EHHADH: variants seen among roughly 807,000 people sequenced by gnomAD.
The protein encoded by EHHADH is peroxisomal bifunctional enzyme.
Under a neutral mutation model 64.4 loss-of-function variants are expected in EHHADH, and 48 were observed. The observed-to-expected ratio is 0.75, with a 90% CI of 0.59 to 0.95. The LOEUF is 0.95. Among genes scored for constraint, EHHADH ranks in the 40% least tolerant of loss-of-function variants. EHHADH has a pLI of 0.00. For missense variants in EHHADH, 854 were observed against 876.6 expected, an observed-to-expected ratio of 0.97 and a Z score of 0.33; for synonymous variants, 308 against 326.7, an observed-to-expected ratio of 0.94 and a Z score of 0.62.
chr3:185,197,572 T>A (rs1718099060), intron 6 of EHHADH, among the ~76,000 whole-genome samples: 1 of 152,244 alleles, frequency 6.6e-6, no homozygotes. Flanking sequence ...TTGGCTTATT[T>A]CACTTAGCAG....
chr3:185,225,338 A>G, intron 4 of EHHADH, among the ~76,000 whole-genome samples: 1 of 151,880 alleles, frequency 6.6e-6, no homozygotes, highest in Non-Finnish European at 1.5e-5. Context: ...TGGCCATTAG[A>G]TCATCCTTGA....
intron 4 of EHHADH, among the ~76,000 whole-genome samples, chr3:185,225,336 A>G (rs951779591): frequency 6.6e-6 from 1 of 152,062 alleles, no homozygotes; most frequent in African/African-American, 2.4e-5. Context: ...TCTGGCCATT[A>G]GATCATCCTT....
chr3:185,192,435 C>T lies in EHHADH; in HGVS notation c.1963G>A (p.Gly655Arg), dbSNP rs1362076830. 3 of 1,614,114 alleles carry T rather than the reference C, an allele frequency of 1.9e-6. No homozygotes were observed. The highest frequency in any genetic ancestry group is 2.7e-5 in the African/African-American group (2 of 74,938). Residue 655 changes from glycine to arginine, a missense_variant, in exon 7 of 7, where the codon GGA becomes AGA. Coordinates refer to ENST00000231887, the MANE Select transcript of EHHADH (RefSeq NM_001966.4). ...GGCCCGCCCTTGTGCCTTGGCCATC[C>T]ATATCCATGTAAATAGACAACATCA... ...HIDVVYLHGY[G>R]WPRHKGGPMF... is the part of the protein sequence containing the mutation.
At position 185,235,303 on chromosome 3, in the gene EHHADH, A is replaced by G; in HGVS notation, c.338T>C (p.Ile113Thr). ...CTTGGTTGTTACCTCTGCGTGGGCA[A>G]TCCTATAGTGACAGCCCAGGGCCAG... ...LELALGCHYRIAHAEAQVGLP... is the reference protein window; with the variant it reads ...LELALGCHYRTAHAEAQVGLP... The change falls in exon 3 of 7, where the codon ATT becomes ACT. Residue 113 changes from isoleucine (I) to threonine (T), a missense_variant. Transcript: ENST00000231887. The G allele has an allele frequency of 6.2e-7, 1 of 1,612,830 alleles. No individual in the cohort carries two copies. Among genetic ancestry groups the G allele is most frequent in the Non-Finnish European group, 8.5e-7 (1 of 1,179,414 alleles).
chr3:185,233,158 T>C (rs776839706), intron 3 of EHHADH, among the ~76,000 whole-genome samples: 14 of 152,236 alleles, frequency 9.2e-5, no homozygotes, highest in Non-Finnish European at 1.3e-4. Flanking sequence ...ATGATAAATC[T>C]ATGTTAAGCA....
chr3:185,246,573 T>G (rs1719601672), intron 2 of EHHADH: 1 of 209,774 alleles, frequency 4.8e-6, no homozygotes, highest in Non-Finnish European at 9.3e-6. Flanking sequence ...AAAGGGCCAT[T>G]ATCTTTCTTA....
rs559959272 is a variant in EHHADH at position 185,228,233 on chromosome 3, C to CA, written c.463+1198dup. ...CTGGCGATAGAGTGAGACTCCGTCTCAAAAAAAAAAAAAAAAAAAAAAAAA... is the reference window on the plus strand; with the variant it reads ...CTGGCGATAGAGTGAGACTCCGTCTCAAAAAAAAAAAAAAAAAAAAAAAAAA... On this transcript the variant is annotated intron_variant, in intron 4 of 6. Transcript: ENST00000231887. Among the ~76,000 whole-genome samples the CA allele has an allele frequency of 2.4e-3, 31 of 12,672 alleles. 2 individuals carry two copies. The highest frequency in any genetic ancestry group is 8.7e-3 in the South Asian group (2 of 230). 8.3% of individuals were successfully genotyped at this position (12,672 alleles called of 152,430 possible).
intron 4 of EHHADH, chr3:185,226,775 CA>C (rs1225465723): frequency 1.3e-5 from 2 of 152,164 alleles, no homozygotes; most frequent in Non-Finnish European, 2.9e-5. Flanking sequence ...AAGCTGCTCC[CA>C]AATTCCTAAC....
intron 2 of EHHADH, among the ~76,000 whole-genome samples, chr3:185,242,362 C>A (rs1719478515): frequency 6.6e-6 from 1 of 152,102 alleles, no homozygotes; most frequent in South Asian, 2.1e-4. Flanking sequence ...ATAGCCAAAG[C>A]AAGACTAAGC....
In EHHADH at chr3:185,192,424, C is replaced by A; in HGVS notation, c.1974G>T (p.Arg658Ser). The A allele has an allele frequency of 6.2e-7, 1 of 1,614,212 alleles. No individual in the cohort carries two copies. The highest frequency in any genetic ancestry group is 1.3e-5 in the African/African-American group (1 of 75,064). The change falls in exon 7 of 7, where the codon AGG becomes AGT. Residue 658 changes from arginine (R) to serine (S), a missense_variant. Arg to Ser is a moderately radical substitution (Grantham distance 110). Transcript: ENST00000231887. ...CATAGAACATGGGCCCGCCCTTGTG[C>A]CTTGGCCATCCATATCCATGTAAAT... ...VVYLHGYGWPRHKGGPMFYAS... is the reference protein window; with the variant it reads ...VVYLHGYGWPSHKGGPMFYAS...
Position 185,192,774 on chromosome 3 carries a change from G to A in EHHADH, c.1624C>T (p.Pro542Ser). Reference sequence around the variant, plus strand: ...GCAGGAGTTCCTGGAAGCAATGTAGGTCCAGTAAGACCTTGCCCCTTTCTA... The same window carrying A: ...GCAGGAGTTCCTGGAAGCAATGTAGATCCAGTAAGACCTTGCCCCTTTCTA... ...KSRKGQGLTG[P>S]TLLPGTPARK... Residue 542 changes from proline to serine, a missense_variant, in exon 7 of 7, where the codon CCT (proline) becomes TCT (serine). By Grantham distance (74) the Pro-to-Ser change is moderately conservative. Transcript: ENST00000231887. The A allele has an allele frequency of 6.2e-7, 1 of 1,613,986 alleles. No individual in the cohort carries two copies. Among genetic ancestry groups the A allele is most frequent in the Non-Finnish European group, 8.5e-7 (1 of 1,180,010 alleles).
chr3:185,248,866 C>T (rs992910635), intron 1 of EHHADH, among the ~76,000 whole-genome samples: 1 of 152,070 alleles, frequency 6.6e-6, no homozygotes. Context: ...AAGGAGTTAT[C>T]CAATACTTGT....
chr3:185,224,192 C>A (rs1718907986), intron 4 of EHHADH, among the ~76,000 whole-genome samples: 1 of 151,872 alleles, frequency 6.6e-6, no homozygotes, highest in East Asian at 1.9e-4. Context: ...TTCTTTAACA[C>A]CCTTTCTTAG....
At chr3:185,195,796 G>A (rs1034709913) in intron 6 of EHHADH, among the ~76,000 whole-genome samples, 1 of 152,112 alleles carries the variant, frequency 6.6e-6, no homozygotes, top group Non-Finnish European at 1.5e-5. Flanking sequence ...GAGGGAAGAC[G>A]GAAGAGTTGA....
chr3:185,226,650 C>CAAAAAAAAAAAAA (rs59522852), intron 4 of EHHADH, among the ~76,000 whole-genome samples: 1 of 133,296 alleles, frequency 7.5e-6, no homozygotes, highest in African/African-American at 2.9e-5. Context: ...ACTCCATCTC[C>CAAAAAAAAAAAAA]AAAAAAAAAA....
At chr3:185,218,307 A>G in intron 4 of EHHADH, 67 bp from the exon 5 acceptor site, 1 of 1,116,478 alleles carries the variant, frequency 9.0e-7, no homozygotes, top group Non-Finnish European at 1.3e-6. Flanking sequence ...CAAAAGCATT[A>G]CTCTCTCTAG....
intron 2 of EHHADH, among the ~76,000 whole-genome samples, chr3:185,240,001 T>C (rs1719403438): frequency 6.6e-6 from 1 of 152,172 alleles, no homozygotes; most frequent in Non-Finnish European, 1.5e-5. Context: ...TGTTGGATTT[T>C]ACCAAATGCT....
chr3:185,202,397 C>A (rs1311950232), intron 6 of EHHADH, among the ~76,000 whole-genome samples: 1 of 151,054 alleles, frequency 6.6e-6, no homozygotes, highest in Non-Finnish European at 1.5e-5. Flanking sequence ...AGAGTCAGAG[C>A]TGAAAGGAGC....
At position 185,204,564 on chromosome 3, in the gene EHHADH, C is replaced by T. The variant is rs764753424; in HGVS notation, c.762G>A (p.Glu254=). The T allele has an allele frequency of 3.1e-6, 5 of 1,614,110 alleles. No homozygotes were observed. The highest frequency in any genetic ancestry group is 3.3e-5 in the Admixed American group (2 of 60,010). The change falls in exon 6 of 7, where the codon GAG becomes GAA. Residue 254 remains glutamate (E), a synonymous_variant. Coordinates refer to ENST00000231887, the MANE Select transcript of EHHADH (RefSeq NM_001966.4). The part of the protein sequence containing the change: ...PYEVGIKKEE[E]LFLYLLQSGQ... ...CTGATTGCAAAAGATATAGAAACAG[C>T]TCCTCCTCCTTCTTGATGCCCACTT...
Sources: gnomAD v4.1 joint callset for allele counts (sites outside exome capture counted in the v4.1 genomes callset) on GRCh38, gnomAD v4.1.1 for gene constraint, MANE v1.5 for transcripts, NCBI Gene and HGNC (gene_info 2026-07-23, HGNC 2026-07-21) for gene names.